ZNF678: variants seen among roughly 807,000 people sequenced by gnomAD.
ZNF678 encodes hypothetical protein MGC42493.
A neutral mutation model predicts 3.0 loss-of-function variants in ZNF678; 5 were observed. The observed-to-expected ratio is 1.69, with a 90% CI of 0.88 to 3.56. ZNF678 has a LOEUF of 3.56. Among genes scored for constraint, ZNF678 ranks in the 30% most tolerant of loss-of-function variants. The pLI, the probability that ZNF678 is intolerant of heterozygous loss-of-function variation, is 0.00. For synonymous variants in ZNF678, 218 were observed against 199.6 expected (o/e 1.09, Z -0.78); for missense variants, 593 against 605.0 (o/e 0.98, Z 0.21).
downstream of ZNF678, among the ~76,000 whole-genome samples, chr1:227,679,390 C>T (rs537070063): frequency 5.5e-4 from 84 of 152,186 alleles, no homozygotes; most frequent in Middle Eastern, 3.4e-3. Flanking sequence ...GTTAAAAGAT[C>T]GACCCTGGCC....
At chr1:227,579,056 G>A (rs1469851012) in intron 1 of ZNF678, among the ~76,000 whole-genome samples, 8 of 152,286 alleles carry the variant, frequency 5.3e-5, no homozygotes, top group African/African-American at 1.7e-4. Context: ...TGCTCTCTGG[G>A]AGACTTGTAT....
Position 227,655,061 on chromosome 1 carries a change from G to A in ZNF678, c.811G>A (p.Gly271Ser). 1 of 1,612,130 alleles carries A rather than the reference G, an allele frequency of 6.2e-7. No individual in the cohort carries two copies. Among genetic ancestry groups the A allele is most frequent in the Non-Finnish European group, 8.5e-7 (1 of 1,179,312 alleles). ...GEKPYKCEEC[G>S]NVFNECSHLT... ...GAAACCTTACAAGTGTGAAGAATGT[G>A]GCAACGTTTTTAATGAGTGCTCACA... The change falls in exon 4 of 4, where the codon GGC (glycine) becomes AGC (serine). Residue 271 changes from glycine to serine, a missense_variant. Physicochemically the swap from Gly to Ser is moderately conservative, Grantham distance 56. Coordinates refer to ENST00000343776, the MANE Select transcript of ZNF678 (RefSeq NM_001367909.1).
chr1:227,587,726 G>A (rs957638115), intron 1 of ZNF678, among the ~76,000 whole-genome samples: 1 of 151,778 alleles, frequency 6.6e-6, no homozygotes, highest in African/African-American at 2.4e-5. Context: ...GAAGTTATGG[G>A]TAAAATTTGG....
At chr1:227,603,368 G>A (rs1657783710) in intron 1 of ZNF678, among the ~76,000 whole-genome samples, 1 of 152,200 alleles carries the variant, frequency 6.6e-6, no homozygotes, top group South Asian at 2.1e-4. Flanking sequence ...GGGGTACTCA[G>A]ATGCCCTGCC....
At chr1:227,564,825 G>A (rs1384611421) in intron 1 of ZNF678, among the ~76,000 whole-genome samples, 4 of 151,970 alleles carry the variant, frequency 2.6e-5, no homozygotes, top group Admixed American at 6.6e-5. Context: ...TCTGCCTCCC[G>A]GGTTCAAGCG....
chr1:227,624,485 T>C (rs1456745370), intron 1 of ZNF678, among the ~76,000 whole-genome samples: 1 of 152,240 alleles, frequency 6.6e-6, no homozygotes, highest in Non-Finnish European at 1.5e-5. Context: ...ACTGAAGGCA[T>C]GGCAGAGAGC....
intron 1 of ZNF678, among the ~76,000 whole-genome samples, chr1:227,569,089 T>C (rs1378595196): frequency 6.6e-6 from 1 of 152,132 alleles, no homozygotes; most frequent in Admixed American, 6.5e-5. Context: ...AATCTTGGGC[T>C]CAAGGACTTC....
chr1:227,582,751 G>T (rs1657163009), intron 1 of ZNF678: 4 of 153,594 alleles, frequency 2.6e-5, no homozygotes, highest in African/African-American at 9.7e-5. Context: ...ATCAATTTAT[G>T]TGTGTGGCCT....
intron 1 of ZNF678, among the ~76,000 whole-genome samples, chr1:227,578,434 C>T (rs116720667): frequency 1.3e-3 from 202 of 152,092 alleles, no homozygotes; most frequent in Non-Finnish European, 2.4e-3. Context: ...TTTATTTGTT[C>T]CTTTTAACTC....
chr1:227,587,907 G>A (rs545255713), intron 1 of ZNF678, among the ~76,000 whole-genome samples: 1 of 151,080 alleles, frequency 6.6e-6, no homozygotes, highest in East Asian at 2.0e-4. Context: ...TGCCATAGTG[G>A]TTTACTGCAC....
intron 1 of ZNF678, among the ~76,000 whole-genome samples, chr1:227,573,059 T>TGCCAC (rs1289598358): frequency 2.0e-5 from 3 of 152,372 alleles, no homozygotes; most frequent in Admixed American, 6.5e-5. Flanking sequence ...GTGTGCATTC[T>TGCCAC]GCCACGTGGC....
chr1:227,635,673 G>A (rs1051517498), intron 1 of ZNF678, among the ~76,000 whole-genome samples: 31 of 152,056 alleles, frequency 2.0e-4, no homozygotes, highest in African/African-American at 6.8e-4. Context: ...CTGCAAGCTG[G>A]AAGTGTCCTA....
chr1:227,605,921 T>C (rs1306602526), intron 1 of ZNF678, among the ~76,000 whole-genome samples: 2 of 152,266 alleles, frequency 1.3e-5, no homozygotes, highest in African/African-American at 4.8e-5. Context: ...AATTGTTCTC[T>C]AGATGTTATA....
intron 1 of ZNF678, among the ~76,000 whole-genome samples, chr1:227,609,047 C>A (rs16847992): frequency 0.21 from 31,951 of 151,702 alleles, 3,793 homozygotes; most frequent in East Asian, 0.44. Flanking sequence ...ATTTCCAAAA[C>A]GTCAAATACT....
At chr1:227,618,710 TTTTTTGTTTTTGTTG>T (rs1204210306) in intron 1 of ZNF678, among the ~76,000 whole-genome samples, 1 of 152,038 alleles carries the variant, frequency 6.6e-6, no homozygotes, top group African/African-American at 2.4e-5. Context: ...GAAAGGGTGG[TTTTTTGTTTTTGTTG>T]TTTTTGTTTT....
chr1:227,639,423 GC>G (rs1658763326), intron 1 of ZNF678, among the ~76,000 whole-genome samples: 1 of 152,204 alleles, frequency 6.6e-6, no homozygotes, highest in South Asian at 2.1e-4. Flanking sequence ...GGGTTTGAGG[GC>G]CGTCATCAAG....
chr1:227,607,012 T>G (rs1657889230), intron 1 of ZNF678, among the ~76,000 whole-genome samples: 1 of 152,202 alleles, frequency 6.6e-6, no homozygotes, highest in Admixed American at 6.5e-5. Context: ...TGATCTTTCT[T>G]TTCCCCACAG....
rs140794882 is a variant in ZNF678 at position 227,585,570 on chromosome 1, C to T, written c.-164+21846C>T. Among the ~76,000 whole-genome samples the T allele has an allele frequency of 5.3e-3, 800 of 152,212 alleles. 7 individuals carry two copies. Among genetic ancestry groups the T allele is most frequent in the African/African-American group, 0.019 (771 of 41,522 alleles). On this transcript the variant is annotated intron_variant, in intron 1 of 3. Coordinates refer to ENST00000343776, the MANE Select transcript of ZNF678 (RefSeq NM_001367909.1). ...TGGGCAGATCACGAGGTCAAGAGAT[C>T]GAGACCATACTGGCCAACATGTTGA...
chr1:227,655,599 A>G lies in ZNF678; in HGVS notation c.1349A>G (p.Lys450Arg). ...KAFYQSSILS[K>R]HKRIHTEEKP... ...TTTTACCAATCCTCAATCCTTAGTA[A>G]GCATAAGAGAATTCATACTGAAGAG... The change falls in exon 4 of 4, where the codon AAG becomes AGG. Residue 450 changes from lysine to arginine, a missense_variant. Physicochemically the swap from Lys to Arg is conservative, Grantham distance 26. Transcript: ENST00000343776. 1 of 1,611,070 alleles carries G rather than the reference A, an allele frequency of 6.2e-7. No individual in the cohort carries two copies. The highest frequency in any genetic ancestry group is 8.5e-7 in the Non-Finnish European group (1 of 1,178,638).
Sources: gnomAD v4.1 joint callset for allele counts (sites outside exome capture counted in the v4.1 genomes callset) on GRCh38, gnomAD v4.1.1 for gene constraint, MANE v1.5 for transcripts, NCBI Gene and HGNC (gene_info 2026-07-23, HGNC 2026-07-21) for gene names.